Variants in PRMT8 observed in about 807,000 individuals in gnomAD.
The protein encoded by PRMT8 is protein arginine N-methyltransferase 8.
In PRMT8, 7 loss-of-function variants were observed where a neutral mutation model predicts 47.1. The ratio of observed to expected loss-of-function variants is 0.15; its 90% CI spans 0.08 to 0.28. The LOEUF (loss-of-function observed/expected upper bound fraction) is 0.28. Ranked by LOEUF, PRMT8 falls within the 10% of genes least tolerant of loss-of-function variation. The probability of loss-of-function intolerance (pLI) is 1.00; values close to 1 mark genes in which losing one functional copy is unlikely to be tolerated. For missense variants in PRMT8, 237 were observed against 505.4 expected (o/e 0.47, Z 5.09); for synonymous variants, 188 against 186.5 (o/e 1.01, Z -0.07).
At chr12:3,567,987 G>A (rs975705915) in intron 4 of PRMT8, among the ~76,000 whole-genome samples, 7 of 151,588 alleles carry the variant, frequency 4.6e-5, no homozygotes, top group Non-Finnish European at 8.8e-5. Flanking sequence ...CAGGAGAATC[G>A]CTTGAACCTG....
At chr12:3,451,339 T>A (rs986780398) in intron 1 of PRMT8, among the ~76,000 whole-genome samples, 4 of 152,132 alleles carry the variant, frequency 2.6e-5, no homozygotes, top group Non-Finnish European at 5.9e-5. Context: ...TTGCAGCTAG[T>A]TGTGGAAGAA....
intron 1 of PRMT8, among the ~76,000 whole-genome samples, chr12:3,465,208 A>G (rs1224411851): frequency 6.9e-6 from 1 of 144,754 alleles, no homozygotes; most frequent in Non-Finnish European, 1.5e-5. Context: ...ATATATTTTT[A>G]TATATATTTT....
intron 1 of PRMT8, among the ~76,000 whole-genome samples, chr12:3,418,355 GA>G (rs1054115670): frequency 6.6e-6 from 1 of 152,150 alleles, no homozygotes; most frequent in African/African-American, 2.4e-5. Context: ...TTTTTTTGCT[GA>G]AAAAGAAAAG....
At chr12:3,395,732 T>G (rs1299077788) in intron 1 of PRMT8, among the ~76,000 whole-genome samples, 34 of 149,622 alleles carry the variant, frequency 2.3e-4, no homozygotes, top group African/African-American at 7.8e-4. Context: ...TTAGGTCTGC[T>G]TGGTGCAGAG....
At chr12:3,537,602 C>G (rs1318288727) in intron 1 of PRMT8, among the ~76,000 whole-genome samples, 2 of 152,058 alleles carry the variant, frequency 1.3e-5, no homozygotes, top group African/African-American at 2.4e-5. Flanking sequence ...CATTATTTCC[C>G]CCCACCCCAA....
chr12:3,441,827 G>C (rs1026609304), intron 1 of PRMT8, among the ~76,000 whole-genome samples: 35 of 152,156 alleles, frequency 2.3e-4, no homozygotes, highest in African/African-American at 8.2e-4. Flanking sequence ...CTACAAAGAG[G>C]ACCTAAAAAT....
chr12:3,498,792 C>T (rs1865546898), intron 1 of PRMT8, among the ~76,000 whole-genome samples: 1 of 152,178 alleles, frequency 6.6e-6, no homozygotes, highest in South Asian at 2.1e-4. Context: ...ACCTGTATTA[C>T]CCTCCTAGGT....
chr12:3,440,946 C>T (rs1322717509), intron 1 of PRMT8, among the ~76,000 whole-genome samples: 1 of 152,182 alleles, frequency 6.6e-6, no homozygotes, highest in Non-Finnish European at 1.5e-5. Flanking sequence ...GATTTACTTC[C>T]TCTTGTTAAC....
chr12:3,571,532 G>T (rs2137210788), intron 6 of PRMT8, among the ~76,000 whole-genome samples: 1 of 152,228 alleles, frequency 6.6e-6, no homozygotes, highest in East Asian at 1.9e-4. Context: ...CCAGCCTGGG[G>T]CAGGGAGGGG....
At chr12:3,398,077 C>T (rs943535119) in intron 1 of PRMT8, among the ~76,000 whole-genome samples, 5 of 151,978 alleles carry the variant, frequency 3.3e-5, no homozygotes, top group African/African-American at 4.8e-5. Flanking sequence ...GCGCACGGTG[C>T]GCGCACCCAC....
chr12:3,548,801 C>A (rs936821623), intron 2 of PRMT8, among the ~76,000 whole-genome samples: 4 of 152,126 alleles, frequency 2.6e-5, no homozygotes, highest in African/African-American at 4.8e-5. Flanking sequence ...CATGTACCTA[C>A]CCTAAGACCC....
chr12:3,403,747 C>T (rs570091585), intron 1 of PRMT8, among the ~76,000 whole-genome samples: 31 of 151,518 alleles, frequency 2.0e-4, no homozygotes, highest in Non-Finnish European at 4.3e-4. Flanking sequence ...GGCGTAGTGG[C>T]ACGTCTGTAG....
At chr12:3,394,888 A>C (rs373631580) in intron 1 of PRMT8, among the ~76,000 whole-genome samples, 1 of 151,158 alleles carries the variant, frequency 6.6e-6, no homozygotes, top group Non-Finnish European at 1.5e-5. Flanking sequence ...ACAATTTCAG[A>C]TCCTGTTATT....
intron 1 of PRMT8, among the ~76,000 whole-genome samples, chr12:3,455,631 G>C (rs1738729761): frequency 6.6e-6 from 1 of 152,196 alleles, no homozygotes. Context: ...TCGGTCCTGG[G>C]AGACCTGGCC....
intron 1 of PRMT8, among the ~76,000 whole-genome samples, chr12:3,403,856 A>C (rs1465443964): frequency 5.5e-5 from 8 of 145,084 alleles, no homozygotes; most frequent in African/African-American, 1.8e-4. Flanking sequence ...CAGCCTGGGC[A>C]ACAGAGCAAG....
At chr12:3,405,188 AG>A (rs758410374) in intron 1 of PRMT8, among the ~76,000 whole-genome samples, 1 of 152,180 alleles carries the variant, frequency 6.6e-6, no homozygotes, top group Non-Finnish European at 1.5e-5. Context: ...TGCAGGAAGA[AG>A]TGCCAAGCAA....
chr12:3,551,444 G>A (rs929878016), intron 3 of PRMT8: 2 of 152,354 alleles, frequency 1.3e-5, no homozygotes, highest in African/African-American at 4.8e-5. Context: ...ATCAGAGCTG[G>A]ACTTGAGTCC....
intron 1 of PRMT8, among the ~76,000 whole-genome samples, chr12:3,529,750 T>C (rs1041255110): frequency 2.0e-5 from 3 of 152,142 alleles, no homozygotes; most frequent in African/African-American, 7.2e-5. Flanking sequence ...ATAACATGAT[T>C]TTGTAGTTCA....
At chr12:3,528,043 A>G (rs944512495) in intron 1 of PRMT8, among the ~76,000 whole-genome samples, 3 of 152,006 alleles carry the variant, frequency 2.0e-5, no homozygotes, top group Non-Finnish European at 4.4e-5. Flanking sequence ...TTTGTAATAT[A>G]TCTCCCCATC....
Sources: allele counts gnomAD v4.1 joint callset (sites outside exome capture counted in the v4.1 genomes callset), GRCh38; gene constraint gnomAD v4.1.1; transcripts MANE v1.5; gene names NCBI Gene and HGNC (gene_info 2026-07-23, HGNC 2026-07-21).